The following SOX5 variants were observed in gnomAD, a reference collection of about 807,000 sequenced individuals.
SOX5 encodes the protein SRY-box transcription factor 5.
A neutral mutation model predicts 92.0 loss-of-function variants in SOX5; 9 were observed. The observed-to-expected ratio is 0.10, with a 90% confidence interval of 0.06 to 0.17. The LOEUF is 0.17. Among genes scored for constraint, SOX5 ranks in the 10% least tolerant of loss-of-function variants. The pLI is 1.00. For missense variants in SOX5, 642 were observed against 944.5 expected (o/e 0.68, Z 4.20); for synonymous variants, 344 against 336.3 (o/e 1.02, Z -0.25).
chr12:24,559,797 AT>A (rs940235944), intron 1 of SOX5, among the ~76,000 whole-genome samples: 8 of 151,984 alleles, frequency 5.3e-5, no homozygotes, highest in South Asian at 4.2e-4. Flanking sequence ...GTGTATATTC[AT>A]TTTTTTTCTT....
At chr12:24,522,207 T>C (rs1463617578) in intron 1 of SOX5, among the ~76,000 whole-genome samples, 2 of 150,800 alleles carry the variant, frequency 1.3e-5, no homozygotes, top group Non-Finnish European at 3.0e-5. Flanking sequence ...ATGAGACTTA[T>C]AAGAATGAAT....
intron 10 of SOX5, among the ~76,000 whole-genome samples, chr12:23,574,890 A>T (rs12372334): frequency 0.32 from 49,128 of 152,068 alleles, 8,342 homozygotes; most frequent in Non-Finnish European, 0.38. Context: ...CTCTCTTTGT[A>T]GAACTTTATC....
intron 4 of SOX5, among the ~76,000 whole-genome samples, chr12:24,087,577 T>G (rs546423119): frequency 1.3e-5 from 2 of 152,104 alleles, no homozygotes; most frequent in African/African-American, 4.8e-5. Flanking sequence ...AAATGGCAGA[T>G]AATATGCTTT....
intron 1 of SOX5, among the ~76,000 whole-genome samples, chr12:24,434,963 G>A (rs1025241851): frequency 8.5e-5 from 13 of 152,194 alleles, no homozygotes; most frequent in African/African-American, 3.1e-4. Context: ...AGTTTTGCTT[G>A]CATCCTTTCT....
intron 1 of SOX5, among the ~76,000 whole-genome samples, chr12:23,922,303 G>A (rs1196314540): frequency 6.6e-6 from 1 of 152,180 alleles, no homozygotes; most frequent in East Asian, 1.9e-4. Context: ...CTAATGTCAT[G>A]TGTCCATTAT....
chr12:24,178,943 C>A (rs371882310), intron 4 of SOX5, among the ~76,000 whole-genome samples: 1 of 151,992 alleles, frequency 6.6e-6, no homozygotes, highest in African/African-American at 2.4e-5. Context: ...AATTGGAGGA[C>A]GATTTCAGTA....
intron 3 of SOX5, among the ~76,000 whole-genome samples, chr12:23,835,841 G>A (rs763433372): frequency 1.1e-4 from 17 of 151,798 alleles, no homozygotes; most frequent in Non-Finnish European, 1.5e-4. Context: ...AAGTGACCCT[G>A]ACTTGGTCAC....
At chr12:23,563,655 A>C (rs73273853) in intron 10 of SOX5, among the ~76,000 whole-genome samples, 1 of 152,232 alleles carries the variant, frequency 6.6e-6, no homozygotes. Flanking sequence ...GGTTGTTTCC[A>C]ACTATTTTGA....
At chr12:24,379,767 A>T (rs1193906057) in intron 1 of SOX5, among the ~76,000 whole-genome samples, 1 of 151,062 alleles carries the variant, frequency 6.6e-6, no homozygotes, top group East Asian at 1.9e-4. Flanking sequence ...CCTTCCTTGT[A>T]TTCCTTTACC....
chr12:23,741,241 G>C (rs192657568), intron 4 of SOX5, among the ~76,000 whole-genome samples: 4 of 152,022 alleles, frequency 2.6e-5, no homozygotes, highest in African/African-American at 9.7e-5. Flanking sequence ...AATGAACTTG[G>C]CTCTCTGGCA....
chr12:23,904,745 A>C (rs10161202), intron 1 of SOX5, among the ~76,000 whole-genome samples: 5,969 of 128,520 alleles, frequency 0.046, 400 homozygotes, highest in African/African-American at 0.15. Flanking sequence ...ACCTTGCCAC[A>C]TGTTTAGTTT....
upstream of SOX5, among the ~76,000 whole-genome samples, chr12:23,955,064 G>C (rs151133491): frequency 3.9e-5 from 6 of 152,050 alleles, no homozygotes; most frequent in Non-Finnish European, 8.8e-5. Context: ...GAATGAGGAA[G>C]TCCCAAAACT....
intron 2 of SOX5, among the ~76,000 whole-genome samples, chr12:24,295,690 T>A (rs1214447176): frequency 6.6e-6 from 1 of 152,124 alleles, no homozygotes; most frequent in Non-Finnish European, 1.5e-5. Context: ...CAGCCCCTCC[T>A]GATCAGCTGG....
intron 4 of SOX5, among the ~76,000 whole-genome samples, chr12:24,171,345 T>A (rs1954132097): frequency 6.6e-6 from 1 of 151,274 alleles, no homozygotes; most frequent in African/African-American, 2.4e-5. Flanking sequence ...TGCCTCAGCC[T>A]CCCGGGTAGC....
intron 1 of SOX5, among the ~76,000 whole-genome samples, chr12:24,521,095 C>CCAA (rs1410766036): frequency 6.6e-6 from 1 of 152,164 alleles, no homozygotes; most frequent in East Asian, 1.9e-4. Context: ...CTCTTGTCCC[C>CCAA]CAAGGCTGGA....
intron 6 of SOX5, among the ~76,000 whole-genome samples, chr12:23,696,905 A>T (rs1438158502): frequency 6.6e-6 from 1 of 152,092 alleles, no homozygotes; most frequent in Non-Finnish European, 1.5e-5. Context: ...AATTTTCCAG[A>T]TATTGTTTGC....
In SOX5 at chr12:24,171,222, T is replaced by TTG. The variant is rs1222406994; in HGVS notation, c.-2+42120_-2+42121insCA. On this transcript the variant is annotated intron_variant, in intron 4 of 4. Transcript: ENST00000446891. ...ATTGGCCAACAGTTTTTTTTGTTTG[T>TTG]TTGTTTGTTTTTTTTTTTGGAGACA... Among the ~76,000 whole-genome samples the TTG allele has an allele frequency of 4.4e-4, 28 of 63,384 alleles. 5 individuals carry two copies. Among genetic ancestry groups the TTG allele is most frequent in the African/African-American group, 1.5e-3 (26 of 17,722 alleles). 41.6% of individuals were successfully genotyped at this position (63,384 alleles called of 152,430 possible).
intron 4 of SOX5, among the ~76,000 whole-genome samples, chr12:24,138,020 G>A (rs2138609654): frequency 6.6e-6 from 1 of 152,384 alleles, no homozygotes; most frequent in East Asian, 1.9e-4. Context: ...GCGTATAGTG[G>A]AATGTAATTA....
chr12:24,509,888 A>G (rs1949147716), intron 1 of SOX5, among the ~76,000 whole-genome samples: 1 of 152,246 alleles, frequency 6.6e-6, no homozygotes, highest in Non-Finnish European at 1.5e-5. Flanking sequence ...GGAACCAGAA[A>G]TCTATTTACA....
Sources: allele counts gnomAD v4.1 joint callset (sites outside exome capture counted in the v4.1 genomes callset), GRCh38; gene constraint gnomAD v4.1.1; transcripts MANE v1.5; gene names NCBI Gene and HGNC (gene_info 2026-07-23, HGNC 2026-07-21).